Variants in TRIB2 observed in about 807,000 individuals in gnomAD.
The protein encoded by TRIB2 is tribbles pseudokinase 2.
A neutral mutation model predicts 26.8 loss-of-function variants in TRIB2; 2 were observed. The ratio of observed to expected loss-of-function variants is 0.07; its 90% CI spans 0.03 to 0.24. The LOEUF (loss-of-function observed/expected upper bound fraction) is 0.24. Ranked by LOEUF, TRIB2 falls within the 10% of genes least tolerant of loss-of-function variation. TRIB2 has a pLI of 1.00. For missense variants in TRIB2, 306 were observed against 449.0 expected (o/e 0.68, Z 2.88); for synonymous variants, 189 against 187.3 (o/e 1.01, Z -0.08).
rs1666616669 is a variant in TRIB2, at chr2:12,717,442, C to G, written c.-866C>G. ...TTCGGAGGAAGACCTGGGGCGCGAG[C>G]GAGCGGCGACAGCATGAGCCTGTGC... On this transcript the variant is annotated 5_prime_UTR_variant, in exon 1 of 3. Coordinates refer to ENST00000155926, the MANE Select transcript of TRIB2 (RefSeq NM_021643.4). This position sits in a 1 kb window ranked among gnomAD's most constrained non-coding sequence, Gnocchi z 4.8. 3 of 398,330 alleles carry G rather than the reference C, an allele frequency of 7.5e-6. No homozygotes were observed. The highest frequency in any genetic ancestry group is 4.4e-5 in the Admixed American group (1 of 22,714). 24.7% of individuals were successfully genotyped at this position (398,330 alleles called of 1,614,324 possible). A position where few individuals can be genotyped will look rare whatever the true frequency, so the allele number is the denominator to read the frequency against.
intron 1 of TRIB2, among the ~76,000 whole-genome samples, chr2:12,722,934 G>A (rs574587062): frequency 7.2e-5 from 11 of 152,290 alleles, no homozygotes; most frequent in Middle Eastern, 6.8e-3. Context: ...TTGGGCTAGA[G>A]ACAAAAGTAA....
Position 12,723,589 on chromosome 2 carries a change from G to A in TRIB2, c.563+37G>A, listed in dbSNP as rs148913448. ...CCTGTCCAGACCTGGGTACTGTGAT[G>A]GACTGCTCCTAACAACAGCTTCCTA... is the stretch of plus-strand genomic sequence containing the variant. On this transcript the variant is annotated intron_variant, in intron 2 of 2. Transcript: ENST00000155926. 5.1e-3 allele frequency: 8,092 copies of A among 1,587,322 alleles called. 21 individuals are homozygous for A. Among genetic ancestry groups the A allele is most frequent in the Non-Finnish European group, 6.4e-3 (7,480 of 1,165,656 alleles).
intron 2 of TRIB2, 22 bp downstream of exon 2, chr2:12,723,574 C>T (rs1257108035): frequency 6.2e-7 from 1 of 1,607,218 alleles, no homozygotes; most frequent in South Asian, 1.1e-5. Flanking sequence ...CCTGTCCAGA[C>T]CTGGGTACTG....
rs1359413329 is a variant in TRIB2 at position 12,718,816 on chromosome 2, G to C, written c.270+239G>C. ...AGAGCCCGGGGAGGAGAGGGCGGCG[G>C]GACTGCGCGGGGGCCACGGACACGC... On this transcript the variant is annotated intron_variant, in intron 1 of 2. Coordinates refer to ENST00000155926, the MANE Select transcript of TRIB2 (RefSeq NM_021643.4). This position sits in a 1 kb window ranked among gnomAD's most constrained non-coding sequence, Gnocchi z 4.0. Among the ~76,000 whole-genome samples, 2 of 152,180 alleles carry C rather than the reference G, an allele frequency of 1.3e-5. No individual in the cohort carries two copies. Among genetic ancestry groups the C allele is most frequent in the African/African-American group, 2.4e-5 (1 of 41,440 alleles).
intron 1 of TRIB2, among the ~76,000 whole-genome samples, chr2:12,719,894 C>A (rs1273637941): frequency 4.6e-5 from 7 of 152,216 alleles, no homozygotes; most frequent in Non-Finnish European, 7.3e-5. Context: ...AGACCCAGAG[C>A]AACTGTGCCC....
At chr2:12,727,424 G>A (rs908410876) in intron 2 of TRIB2, among the ~76,000 whole-genome samples, 9 of 152,168 alleles carry the variant, frequency 5.9e-5, no homozygotes, top group African/African-American at 2.2e-4. Context: ...TGTGACATAG[G>A]GGTTCAGATT....
chr2:12,738,293 T>G (rs1254548983), intron 2 of TRIB2, among the ~76,000 whole-genome samples: 8 of 152,330 alleles, frequency 5.3e-5, no homozygotes, highest in African/African-American at 1.9e-4. Context: ...CTCTGACTTA[T>G]GACCCAATGT....
intron 2 of TRIB2, among the ~76,000 whole-genome samples, chr2:12,730,973 T>C (rs529706885): frequency 1.3e-5 from 2 of 151,870 alleles, no homozygotes; most frequent in Non-Finnish European, 2.9e-5. Flanking sequence ...AATGTTGGAG[T>C]TGGGGAGTCT....
intron 2 of TRIB2, among the ~76,000 whole-genome samples, chr2:12,736,394 A>G (rs1661569488): frequency 6.6e-6 from 1 of 152,136 alleles, no homozygotes; most frequent in South Asian, 2.1e-4. Context: ...CCCTGACAAG[A>G]CTGAGCGAGG....
chr2:12,728,948 A>G (rs988607591), intron 2 of TRIB2, among the ~76,000 whole-genome samples: 4 of 152,122 alleles, frequency 2.6e-5, no homozygotes, highest in Non-Finnish European at 5.9e-5. Flanking sequence ...AGGCATGGAA[A>G]CCCTGGAGAC....
At chr2:12,731,916 G>A (rs923385668) in intron 2 of TRIB2, among the ~76,000 whole-genome samples, 2 of 152,226 alleles carry the variant, frequency 1.3e-5, no homozygotes, top group East Asian at 3.9e-4. Flanking sequence ...CACTGAGCCT[G>A]CGGAAGCTTT....
rs1175517040 is a variant in TRIB2 at position 12,741,915 on chromosome 2, T to C, written c.*1121T>C. 6.5e-6 allele frequency: 1 copy of C among 152,686 alleles called. No individual in the cohort carries two copies. Among genetic ancestry groups the C allele is most frequent in the Non-Finnish European group, 1.5e-5 (1 of 68,050 alleles). 9.5% of individuals were successfully genotyped at this position (152,686 alleles called of 1,614,324 possible). On this transcript the variant is annotated 3_prime_UTR_variant, in exon 3 of 3. Transcript: ENST00000155926. ...GGGAAGGATAATTAGCTGAAAGCTA[T>C]GATGATATAAATAAAAACAGCTCTC...
At chr2:12,728,069 G>T (rs146382327) in intron 2 of TRIB2, among the ~76,000 whole-genome samples, 1 of 152,330 alleles carries the variant, frequency 6.6e-6, no homozygotes, top group Non-Finnish European at 1.5e-5. Context: ...TCTATGTAGA[G>T]TCACAGCTGC....
intron 2 of TRIB2, among the ~76,000 whole-genome samples, chr2:12,738,296 C>T (rs1039818865): frequency 2.0e-5 from 3 of 152,160 alleles, no homozygotes; most frequent in African/African-American, 7.2e-5. Flanking sequence ...TGACTTATGA[C>T]CCAATGTGGT....
At chr2:12,719,919 C>T (rs1202045765) in intron 1 of TRIB2, among the ~76,000 whole-genome samples, 2 of 152,170 alleles carry the variant, frequency 1.3e-5, no homozygotes, top group Non-Finnish European at 2.9e-5. Context: ...AACCAAAATT[C>T]AGTAGCTGGA....
chr2:12,740,429 A>G lies in TRIB2; in HGVS notation c.667A>G (p.Ile223Val). ...CTGCCCGGCTTACGTAAGCCCAGAG[A>G]TCTTGAACACCAGTGGCAGCTACTC... ...HGCPAYVSPE[I>V]LNTSGSYSGK... Residue 223 changes from isoleucine to valine, a missense_variant, in exon 3 of 3, where the codon ATC becomes GTC. Transcript: ENST00000155926. The surrounding 1 kb of genome is among the most constrained non-coding windows in gnomAD (Gnocchi z 5.8). 6.2e-7 allele frequency: 1 copy of G among 1,614,056 alleles called. No homozygotes were observed. The highest frequency in any genetic ancestry group is 8.5e-7 in the Non-Finnish European group (1 of 1,179,996).
rs1666652326 is a variant in TRIB2 at position 12,718,580 on chromosome 2, A to G, written c.270+3A>G. 5.0e-6 allele frequency: 8 copies of G among 1,610,852 alleles called. No individual in the cohort carries two copies. Among genetic ancestry groups the G allele is most frequent in the Non-Finnish European group, 6.8e-6 (8 of 1,177,278 alleles). On this transcript the variant is annotated splice_donor_region_variant and intron_variant, in intron 1 of 2. Transcript: ENST00000155926. This position sits in a 1 kb window ranked among gnomAD's most constrained non-coding sequence, Gnocchi z 4.0. The stretch of plus-strand genomic sequence containing the variant: ...GCGGAGAGGAGCTGGTGTGCAAGGT[A>G]AAGGGCCAGTGGGTTGCTTTTTGTC...
chr2:12,720,769 T>C (rs1424644653), intron 1 of TRIB2, among the ~76,000 whole-genome samples: 2 of 152,138 alleles, frequency 1.3e-5, no homozygotes, highest in Non-Finnish European at 2.9e-5. Flanking sequence ...GATTCCAGAG[T>C]CATTTAAACA....
intron 2 of TRIB2, chr2:12,724,902 C>T: frequency 6.6e-7 from 1 of 1,505,238 alleles, no homozygotes. Context: ...CTTGTATGTT[C>T]CACCTTTCTT....
Sources: allele counts gnomAD v4.1 joint callset (sites outside exome capture counted in the v4.1 genomes callset), GRCh38; gene constraint gnomAD v4.1.1; non-coding constraint Gnocchi (gnomAD v3.1); transcripts MANE v1.5; gene names NCBI Gene and HGNC (gene_info 2026-07-23, HGNC 2026-07-21).